DCAF10: variants seen among roughly 807,000 people sequenced by gnomAD.
DCAF10 encodes the protein DDB1- and CUL4-associated factor 10.
DCAF10 carries 19 observed loss-of-function variants against 51.9 expected under a neutral mutation model. The observed-to-expected ratio is 0.37, with a 90% CI of 0.26 to 0.54. The LOEUF is 0.54. Among genes scored for constraint, DCAF10 ranks in the 20% least tolerant of loss-of-function variants. DCAF10 has a pLI of 0.87. For synonymous variants in DCAF10, 291 were observed against 297.1 expected, an observed-to-expected ratio of 0.98 and a Z score of 0.21; for missense variants, 510 against 730.6, an observed-to-expected ratio of 0.70 and a Z score of 3.48.
At chr9:37,855,046 G>A (rs1199120180) in intron 4 of DCAF10, 64 bp downstream of exon 4, 1 of 1,442,746 alleles carries the variant, frequency 6.9e-7, no homozygotes, top group African/African-American at 1.4e-5. Flanking sequence ...AGATGGTATA[G>A]GTTTCTTTTC....
Position 37,817,890 on chromosome 9 carries a change from T to A in DCAF10, c.540-1398T>A, listed in dbSNP as rs557399659. ...TTAATTTGAATATTTTTACTCCCAA[T>A]GACTAGCATAAAAAATTTCAGATAT... On this transcript the variant is annotated intron_variant, in intron 1 of 6. Transcript: ENST00000377724. Among the ~76,000 whole-genome samples the A allele has an allele frequency of 4.6e-5, 7 of 152,304 alleles. No individual in the cohort carries two copies. In the South Asian group the frequency reaches 1.5e-3, roughly 32 times the overall value.
At chr9:37,814,126 A>ATATATAT (rs1829450871) in intron 1 of DCAF10, among the ~76,000 whole-genome samples, 1 of 62,806 alleles carries the variant, frequency 1.6e-5, no homozygotes, top group African/African-American at 6.3e-5. Flanking sequence ...ATATATATAT[A>ATATATAT]TTTGTTGTTG....
chr9:37,820,515 A>C lies in DCAF10; in HGVS notation c.653+1114A>C, dbSNP rs73646103. ...GGCTGAAAAGAGAAAAGAGCTATTC[A>C]CTACCCGAGACTATAAGTTTTAGCT... On this transcript the variant is annotated intron_variant, in intron 2 of 6. Transcript: ENST00000377724. Among the ~76,000 whole-genome samples the C allele has an allele frequency of 2.0e-3, 311 of 152,336 alleles. 1 individual carries two copies. The highest frequency in any genetic ancestry group is 7.1e-3 in the African/African-American group (295 of 41,576).
rs1717724019 is a variant in DCAF10 at position 37,801,209 on chromosome 9, G to C, written c.343G>C (p.Gly115Arg). The C allele has an allele frequency of 2.6e-6, 4 of 1,557,550 alleles. No homozygotes were observed. The highest frequency in any genetic ancestry group is 3.5e-6 in the Non-Finnish European group (4 of 1,154,006). The change falls in exon 1 of 7, where the codon GGC becomes CGC. Residue 115 changes from glycine to arginine, a missense_variant. Physicochemically the swap from Gly to Arg is moderately radical, Grantham distance 125 (BLOSUM62 -2). Coordinates refer to ENST00000377724, the MANE Select transcript of DCAF10 (RefSeq NM_024345.5). The surrounding 1 kb of genome is among the most constrained non-coding windows in gnomAD (Gnocchi z 5.5). ...KSRGRHGLGA[G>R]LGGPGARLFG... is the part of the protein sequence containing the mutation. The stretch of plus-strand genomic sequence containing the variant: ...CCGGGGCCGACACGGCCTCGGCGCG[G>C]GCCTGGGCGGCCCTGGCGCTAGGCT...
intron 2 of DCAF10, among the ~76,000 whole-genome samples, chr9:37,837,457 C>CAAAAAA (rs555983041): frequency 1.2e-5 from 1 of 85,662 alleles, no homozygotes; most frequent in Non-Finnish European, 2.6e-5. Context: ...GACTCCATCT[C>CAAAAAA]AAAAAAAAAA....
intron 1 of DCAF10, among the ~76,000 whole-genome samples, chr9:37,818,121 T>C (rs925516525): frequency 1.3e-5 from 2 of 152,050 alleles, no homozygotes; most frequent in Non-Finnish European, 2.9e-5. Flanking sequence ...GCCTCCCAAG[T>C]AGCTGGGACT....
At chr9:37,813,707 T>C (rs1829422791) in intron 1 of DCAF10, among the ~76,000 whole-genome samples, 1 of 152,192 alleles carries the variant, frequency 6.6e-6, no homozygotes, top group Non-Finnish European at 1.5e-5. Flanking sequence ...TTTCCAAGCA[T>C]TGAGATTAAG....
intron 1 of DCAF10, among the ~76,000 whole-genome samples, chr9:37,814,127 T>TATTTG (rs1554685262): frequency 2.0e-5 from 2 of 100,626 alleles, no homozygotes; most frequent in African/African-American, 4.1e-5. Flanking sequence ...TATATATATA[T>TATTTG]TTGTTGTTGT....
chr9:37,846,366 T>C (rs1589107319), intron 3 of DCAF10, among the ~76,000 whole-genome samples: 1 of 152,190 alleles, frequency 6.6e-6, no homozygotes, highest in African/African-American at 2.4e-5. Context: ...AGGAGTACTA[T>C]GAGCAACTTT....
chr9:37,801,218 G>T lies in DCAF10; in HGVS notation c.352G>T (p.Gly118Cys). ...ACACGGCCTCGGCGCGGGCCTGGGC[G>T]GCCCTGGCGCTAGGCTGTTCGGGTG... is the stretch of plus-strand genomic sequence containing the variant. Reference protein sequence around the residue: ...GRHGLGAGLGGPGARLFGWLK... With the variant: ...GRHGLGAGLGCPGARLFGWLK... The change falls in exon 1 of 7, where the codon GGC becomes TGC. Residue 118 changes from glycine to cysteine, a missense_variant. By Grantham distance (159) the Gly-to-Cys change is radical. Coordinates refer to ENST00000377724, the MANE Select transcript of DCAF10 (RefSeq NM_024345.5). The surrounding 1 kb of genome is among the most constrained non-coding windows in gnomAD (Gnocchi z 5.5). The T allele has an allele frequency of 6.4e-7, 1 of 1,564,710 alleles. No individual in the cohort carries two copies. The highest frequency in any genetic ancestry group is 8.6e-7 in the Non-Finnish European group (1 of 1,158,092).
rs547541046 is a variant in DCAF10 at position 37,829,667 on chromosome 9, A to G, written c.653+10266A>G. Among the ~76,000 whole-genome samples, 1 of 152,214 alleles carries G rather than the reference A, an allele frequency of 6.6e-6. No individual in the cohort carries two copies. The highest frequency in any genetic ancestry group is 2.1e-4 in the South Asian group (1 of 4,820). On this transcript the variant is annotated intron_variant, in intron 2 of 6. Coordinates refer to ENST00000377724, the MANE Select transcript of DCAF10 (RefSeq NM_024345.5). This position sits in a 1 kb window ranked among gnomAD's most constrained non-coding sequence, Gnocchi z 4.2. ...ATAAATTTATAACATTATTTTGAAG[A>G]GCAGTTGAGCAATATATGGTAAAGC...
chr9:37,807,724 G>A lies in DCAF10; in HGVS notation c.539+6319G>A, dbSNP rs1162338976. Among the ~76,000 whole-genome samples, 9 of 138,062 alleles carry A rather than the reference G, an allele frequency of 6.5e-5. No homozygotes were observed. The East Asian group carries it at 6.6e-4, about 10-fold the overall frequency. 90.6% of individuals were successfully genotyped at this position (138,062 alleles called of 152,430 possible). The stretch of plus-strand genomic sequence containing the variant: ...GTTGTCCAGGCTGGACTGCAATGGC[G>A]CGATCTTGCCTGAATGCAACCTCCA... On this transcript the variant is annotated intron_variant, in intron 1 of 6. Coordinates refer to ENST00000377724, the MANE Select transcript of DCAF10 (RefSeq NM_024345.5).
chr9:37,835,727 G>A (rs1318806454), intron 2 of DCAF10, among the ~76,000 whole-genome samples: 1 of 152,180 alleles, frequency 6.6e-6, no homozygotes, highest in Non-Finnish European at 1.5e-5. Flanking sequence ...CAACAAGAGT[G>A]AAACTCAGTC....
rs1831081339 is a variant in DCAF10 at position 37,863,992 on chromosome 9, T to A, written c.*2484T>A. On this transcript the variant is annotated 3_prime_UTR_variant, in exon 7 of 7. Coordinates refer to ENST00000377724, the MANE Select transcript of DCAF10 (RefSeq NM_024345.5). Reference sequence around the variant, plus strand: ...TACATTTTGTAAAAAACACATTTTTTAAAGAAAATAGGGATGGGTATGGTG... The same window carrying A: ...TACATTTTGTAAAAAACACATTTTTAAAAGAAAATAGGGATGGGTATGGTG... The A allele has an allele frequency of 6.6e-6, 1 of 151,432 alleles. No individual in the cohort carries two copies. 9.4% of individuals were successfully genotyped at this position (151,432 alleles called of 1,614,324 possible).
In DCAF10 at chr9:37,801,487, C is replaced by T. The variant is rs1828942625; in HGVS notation, c.539+82C>T. On this transcript the variant is annotated intron_variant, in intron 1 of 6. Coordinates refer to ENST00000377724, the MANE Select transcript of DCAF10 (RefSeq NM_024345.5). The surrounding 1 kb of genome is among the most constrained non-coding windows in gnomAD (Gnocchi z 5.5). ...GGACGGCCGTCCTGGGCTCGCTCCC[C>T]GCGCCCGGGCCGAGGTTAGCGAGGC... 1.5e-6 allele frequency: 2 copies of T among 1,334,724 alleles called. No individual in the cohort carries two copies. The highest frequency in any genetic ancestry group is 1.9e-6 in the Non-Finnish European group (2 of 1,041,714). The allele number at this position is 1,334,724 out of a possible 1,614,324, so 82.7% of individuals were successfully genotyped here.
At chr9:37,849,483 C>T (rs1830570487) in intron 3 of DCAF10, among the ~76,000 whole-genome samples, 1 of 152,184 alleles carries the variant, frequency 6.6e-6, no homozygotes, top group Non-Finnish European at 1.5e-5. Context: ...CACCGTGGCT[C>T]ATGCCTATAA....
chr9:37,811,848 A>G (rs1009775654), intron 1 of DCAF10, among the ~76,000 whole-genome samples: 3 of 152,172 alleles, frequency 2.0e-5, no homozygotes, highest in African/African-American at 7.2e-5. Context: ...TTAACAAAAG[A>G]CATTGTAGAT....
At chr9:37,822,156 A>G (rs1000526253) in intron 2 of DCAF10, among the ~76,000 whole-genome samples, 1 of 152,116 alleles carries the variant, frequency 6.6e-6, no homozygotes, top group South Asian at 2.1e-4. Context: ...GAACACTTCT[A>G]CACTGCTGGT....
chr9:37,822,071 C>T (rs972799557), intron 2 of DCAF10, among the ~76,000 whole-genome samples: 19 of 152,074 alleles, frequency 1.2e-4, no homozygotes, highest in Non-Finnish European at 2.2e-4. Flanking sequence ...AATGCGATAC[C>T]GCCTTACTCC....
Sources: allele counts gnomAD v4.1 joint callset (sites outside exome capture counted in the v4.1 genomes callset), GRCh38; gene constraint gnomAD v4.1.1; non-coding constraint Gnocchi (gnomAD v3.1); transcripts MANE v1.5; gene names NCBI Gene and HGNC (gene_info 2026-07-23, HGNC 2026-07-21).